CACNB2: variants seen among roughly 807,000 people sequenced by gnomAD.
The protein encoded by CACNB2 is calcium voltage-gated channel auxiliary subunit beta 2.
Under a neutral mutation model 73.3 loss-of-function variants are expected in CACNB2, and 42 were observed. That is an observed-to-expected ratio of 0.57 (90% CI 0.45 to 0.74). The LOEUF (loss-of-function observed/expected upper bound fraction) is 0.74, where lower values mean the gene tolerates loss of function less well. Among genes scored for constraint, CACNB2 ranks in the 30% least tolerant of loss-of-function variants. CACNB2 has a pLI of 0.00. For missense variants in CACNB2, 940 were observed against 853.0 expected (o/e 1.10, Z -1.27); for synonymous variants, 348 against 310.3 (o/e 1.12, Z -1.28).
intron 2 of CACNB2, among the ~76,000 whole-genome samples, chr10:18,237,714 A>G (rs1030829528): frequency 6.6e-6 from 1 of 152,174 alleles, no homozygotes; most frequent in Non-Finnish European, 1.5e-5. Flanking sequence ...AAAGACAGGA[A>G]GAGATAGGGG....
intron 2 of CACNB2, among the ~76,000 whole-genome samples, chr10:18,281,260 T>C (rs1451119810): frequency 1.3e-5 from 2 of 152,212 alleles, no homozygotes; most frequent in African/African-American, 4.8e-5. Flanking sequence ...ACTGCCTGCT[T>C]CTTAATAAGC....
In CACNB2 at chr10:18,361,586, A is replaced by G. The variant is rs550231923; in HGVS notation, c.214-40338A>G. Among the ~76,000 whole-genome samples the G allele has an allele frequency of 2.3e-4, 35 of 149,590 alleles. 2 individuals carry two copies. In the South Asian group the frequency reaches 7.2e-3, roughly 31 times the overall value. ...TACATTTCTCCACGGTTGTTATATTACTGTTATCCTGTCTAAGGTAAAATT... is the reference window on the plus strand; with the variant it reads ...TACATTTCTCCACGGTTGTTATATTGCTGTTATCCTGTCTAAGGTAAAATT... On this transcript the variant is annotated intron_variant, in intron 2 of 13. Coordinates refer to ENST00000324631, the MANE Select transcript of CACNB2 (RefSeq NM_201596.3).
At chr10:18,150,264 A>G (rs2031392013) in intron 1 of CACNB2, among the ~76,000 whole-genome samples, 1 of 152,170 alleles carries the variant, frequency 6.6e-6, no homozygotes, top group East Asian at 1.9e-4. Context: ...TTAAATGCTT[A>G]TTTTTAAATG....
intron 2 of CACNB2, among the ~76,000 whole-genome samples, chr10:18,228,438 A>AAAAAAAAAAAAG (rs1179086302): frequency 6.7e-6 from 1 of 148,692 alleles, no homozygotes; most frequent in Non-Finnish European, 1.5e-5. Context: ...TACCTCAAAA[A>AAAAAAAAAAAAG]AAAAAAAAAA....
intron 2 of CACNB2, among the ~76,000 whole-genome samples, chr10:18,354,428 G>A (rs575504357): frequency 5.3e-5 from 8 of 152,112 alleles, no homozygotes; most frequent in Non-Finnish European, 7.3e-5. Flanking sequence ...TCAGAAGGCT[G>A]TTGGAAGAGT....
At chr10:18,196,684 A>T (rs2034641130) in intron 2 of CACNB2, among the ~76,000 whole-genome samples, 1 of 152,166 alleles carries the variant, frequency 6.6e-6, no homozygotes, top group South Asian at 2.1e-4. Flanking sequence ...CTTTTATCAC[A>T]TCTATTCATT....
At chr10:18,211,439 A>G (rs571393213) in intron 2 of CACNB2, among the ~76,000 whole-genome samples, 17 of 152,332 alleles carry the variant, frequency 1.1e-4, no homozygotes, top group African/African-American at 3.8e-4. Flanking sequence ...ATAATAAAGT[A>G]AAGCATTACA....
chr10:18,414,370 T>C (rs1414971589), intron 3 of CACNB2, among the ~76,000 whole-genome samples: 1 of 152,224 alleles, frequency 6.6e-6, no homozygotes, highest in Non-Finnish European at 1.5e-5. Context: ...TGTTTATTTA[T>C]GGTTATATTT....
At chr10:18,409,560 G>T (rs182172071) in intron 3 of CACNB2, among the ~76,000 whole-genome samples, 8 of 152,348 alleles carry the variant, frequency 5.3e-5, no homozygotes, top group African/African-American at 1.9e-4. Flanking sequence ...CCGCTGGGCT[G>T]AGACTCTGTC....
intron 2 of CACNB2, among the ~76,000 whole-genome samples, chr10:18,171,787 GA>G (rs762183632): frequency 4.6e-5 from 7 of 151,930 alleles, no homozygotes; most frequent in Admixed American, 1.3e-4. Context: ...TTGTTACCCG[GA>G]GAAGTCAAAT....
chr10:18,310,731 C>T (rs2039933678), intron 2 of CACNB2, among the ~76,000 whole-genome samples: 1 of 150,450 alleles, frequency 6.6e-6, no homozygotes, highest in African/African-American at 2.4e-5. Context: ...AGGCATGCGC[C>T]ACCATGCCTG....
intron 2 of CACNB2, among the ~76,000 whole-genome samples, chr10:18,379,924 C>A (rs1039797610): frequency 2.6e-4 from 39 of 152,250 alleles, no homozygotes; most frequent in East Asian, 1.9e-4. Context: ...TGGGCTCAAG[C>A]AATCCTCCTG....
At chr10:18,375,701 A>T (rs2132324936) in intron 2 of CACNB2, among the ~76,000 whole-genome samples, 1 of 152,316 alleles carries the variant, frequency 6.6e-6, no homozygotes, top group East Asian at 1.9e-4. Context: ...GTTTATTCAT[A>T]CATCTGAAGC....
intron 2 of CACNB2, among the ~76,000 whole-genome samples, chr10:18,246,284 G>T (rs1163025837): frequency 6.6e-6 from 1 of 152,066 alleles, no homozygotes; most frequent in Non-Finnish European, 1.5e-5. Context: ...TAAATGTGAA[G>T]TGCTCAGCAC....
intron 2 of CACNB2, chr10:18,400,853 T>C: frequency 1.4e-6 from 2 of 1,476,462 alleles, no homozygotes; most frequent in Non-Finnish European, 1.8e-6. Flanking sequence ...AATAAGAATC[T>C]CCCTGGATGG....
intron 2 of CACNB2, among the ~76,000 whole-genome samples, chr10:18,235,226 G>A (rs2036393786): frequency 6.6e-6 from 1 of 151,992 alleles, no homozygotes; most frequent in Non-Finnish European, 1.5e-5. Flanking sequence ...GCTGGGGCAG[G>A]AGGATCGCTG....
chr10:18,289,284 G>GTT (rs1489491866), intron 2 of CACNB2, among the ~76,000 whole-genome samples: 1,598 of 85,394 alleles, frequency 0.019, 181 homozygotes, highest in African/African-American at 0.045. Context: ...TTTTTTTCTT[G>GTT]TTTTTTTGTT....
At chr10:18,246,776 G>T (rs969773056) in intron 2 of CACNB2, among the ~76,000 whole-genome samples, 1 of 151,656 alleles carries the variant, frequency 6.6e-6, no homozygotes, top group Non-Finnish European at 1.5e-5. Context: ...TTTGTTTTTT[G>T]TTTGTTTGTT....
chr10:18,511,728 C>T (rs2050798817), intron 6 of CACNB2, among the ~76,000 whole-genome samples: 1 of 152,116 alleles, frequency 6.6e-6, no homozygotes, highest in African/African-American at 2.4e-5. Context: ...CATCCTGACT[C>T]CTGACATCAA....
Sources: allele counts gnomAD v4.1 joint callset (sites outside exome capture counted in the v4.1 genomes callset), GRCh38; gene constraint gnomAD v4.1.1; transcripts MANE v1.5; gene names NCBI Gene and HGNC (gene_info 2026-07-23, HGNC 2026-07-21).